The following MYO15A variants were observed in gnomAD, a reference collection of about 807,000 sequenced individuals.
The protein encoded by MYO15A is unconventional myosin-XV.
Under a neutral mutation model 394.6 loss-of-function variants are expected in MYO15A, and 308 were observed. The ratio of observed to expected loss-of-function variants is 0.78; its 90% CI spans 0.71 to 0.86. MYO15A has a LOEUF of 0.86. Among genes scored for constraint, MYO15A ranks in the 40% least tolerant of loss-of-function variants. MYO15A has a pLI of 0.00. For synonymous variants in MYO15A, 1,957 were observed against 2,003.8 expected (o/e 0.98, Z 0.62); for missense variants, 4,606 against 4,799.1 (o/e 0.96, Z 1.19).
intron 16 of MYO15A, 167 bp downstream of exon 16, chr17:18,137,846 T>C: frequency 1.1e-6 from 1 of 942,272 alleles, no homozygotes; most frequent in Non-Finnish European, 1.6e-6. Flanking sequence ...GCCTCTGTTC[T>C]GGAGGGAAAG....
intron 56 of MYO15A, chr17:18,160,692 TG>T (rs2046761595): frequency 5.0e-6 from 1 of 200,884 alleles, no homozygotes; most frequent in Non-Finnish European, 1.0e-5. Flanking sequence ...CAGAGCGGGG[TG>T]GGTGGTTTCC....
At chr17:18,113,456 A>G (rs138086218) in intron 1 of MYO15A, among the ~76,000 whole-genome samples, 119 of 152,322 alleles carry the variant, frequency 7.8e-4, no homozygotes, top group Middle Eastern at 3.4e-3. Flanking sequence ...ATGGAAATAA[A>G]AAAGCAAACA....
At chr17:18,145,469 T>A (rs2046459086) in intron 29 of MYO15A, among the ~76,000 whole-genome samples, 1 of 152,140 alleles carries the variant, frequency 6.6e-6, no homozygotes, top group Non-Finnish European at 1.5e-5. Flanking sequence ...ATCCCAGCAC[T>A]TTGGGAGGCC....
rs1312965648 is a variant in MYO15A at position 18,157,197 on chromosome 17, C to T, written c.8755C>T (p.Leu2919=). 6.2e-7 allele frequency: 1 copy of T among 1,610,162 alleles called. No individual in the cohort carries two copies. The highest frequency in any genetic ancestry group is 2.2e-5 in the East Asian group (1 of 44,690). ...CGTGGTTCGCAGGAAGGTGGTGTAC[C>T]TGGAGGAGCTGCGACGTAGAGGCCC... ...GCVVRRKVVY[L]EELRRRGPDF... Residue 2919 remains leucine (L), a synonymous_variant, in exon 50 of 66, where the codon CTG becomes TTG. Coordinates refer to ENST00000647165, the MANE Select transcript of MYO15A (RefSeq NM_016239.4).
chr17:18,128,842 GAGGA>G (rs1424684021), intron 7 of MYO15A, among the ~76,000 whole-genome samples: 2 of 152,150 alleles, frequency 1.3e-5, no homozygotes, highest in East Asian at 3.9e-4. Context: ...AGCTGTCAGG[GAGGA>G]CGGATGGAGC....
chr17:18,121,244 G>A lies in MYO15A; in HGVS notation c.2444G>A (p.Arg815His), dbSNP rs751697034. The change falls in exon 2 of 66, where the codon CGC (arginine) becomes CAC (histidine). Residue 815 changes from arginine to histidine, a missense_variant. Coordinates refer to ENST00000647165, the MANE Select transcript of MYO15A (RefSeq NM_016239.4). This position sits in a 1 kb window ranked among gnomAD's most constrained non-coding sequence, Gnocchi z 5.3. The part of the protein sequence containing the change: ...PFQPPFLPPA[R>H]RPRSLQESPA... ...CAGCCGCCCTTCCTGCCCCCGGCCC[G>A]CCGGCCCCGCTCGCTGCAGGAGTCC... The A allele has an allele frequency of 1.2e-5, 17 of 1,473,784 alleles. 1 individual carries two copies. The South Asian group carries it at 2.0e-4, about 18-fold the overall frequency. The allele number at this position is 1,473,784 out of a possible 1,614,324, so 91.3% of individuals were successfully genotyped here. A position where few individuals can be genotyped will look rare whatever the true frequency, so the allele number is the denominator to read the frequency against.
rs749625203 is a variant in MYO15A at position 18,148,258 on chromosome 17, G to C, written c.6691+48G>C. ...AGTGAGGGCAGTGGGAGTCAGCAGG[G>C]CCCAGTGAGCCCCGGGGATGGCAGA... On this transcript the variant is annotated intron_variant, in intron 31 of 65. Transcript: ENST00000647165. This position sits in a 1 kb window ranked among gnomAD's most constrained non-coding sequence, Gnocchi z 4.8. 1.2e-6 allele frequency: 2 copies of C among 1,608,300 alleles called. No individual in the cohort carries two copies. The highest frequency in any genetic ancestry group is 2.2e-5 in the South Asian group (2 of 90,480).
chr17:18,145,781 T>C, intron 29 of MYO15A, 91 bp from the exon 30 acceptor site: 1 of 1,075,542 alleles, frequency 9.3e-7, no homozygotes, highest in Non-Finnish European at 1.4e-6. Context: ...GGGGCACACA[T>C]GGGAGGGACA....
chr17:18,165,240 A>G (rs992570460), intron 60 of MYO15A: 6 of 152,182 alleles, frequency 3.9e-5, no homozygotes, highest in African/African-American at 1.2e-4. Flanking sequence ...TATTGTTGCT[A>G]TAACAGATTA....
In MYO15A at chr17:18,121,737, G is replaced by A. The variant is rs769920646; in HGVS notation, c.2937G>A (p.Glu979=). 33 of 1,601,062 alleles carry A rather than the reference G, an allele frequency of 2.1e-5. No individual in the cohort carries two copies. The highest frequency in any genetic ancestry group is 2.8e-5 in the Non-Finnish European group (33 of 1,172,336). Residue 979 remains glutamate, a synonymous_variant, in exon 2 of 66, where the codon GAG becomes GAA. Transcript: ENST00000647165. The surrounding 1 kb of genome is among the most constrained non-coding windows in gnomAD (Gnocchi z 5.3). ...TGCCATCCCCCACCCTCCAGCCTGA[G>A]GATCCAGCTGCTGATATGACCAGGG... ...GPVPSPTLQP[E]DPAADMTRVF...
Position 18,136,404 on chromosome 17 carries a change from T to C in MYO15A, c.4597-13T>C. The C allele has an allele frequency of 1.2e-6, 2 of 1,613,624 alleles. No homozygotes were observed. Among genetic ancestry groups the C allele is most frequent in the Non-Finnish European group, 1.7e-6 (2 of 1,180,028 alleles). ...CCAGCCTGATGTCACTCAAGGGCTGTGCCCGTCCCTAGGAGACAATGCGAG... is the reference window on the plus strand; with the variant it reads ...CCAGCCTGATGTCACTCAAGGGCTGCGCCCGTCCCTAGGAGACAATGCGAG... On this transcript the variant is annotated splice_polypyrimidine_tract_variant and intron_variant, in intron 13 of 65. Transcript: ENST00000647165.
In MYO15A at chr17:18,143,739, G is replaced by A. The variant is rs1488385046; in HGVS notation, c.5989G>A (p.Ala1997Thr). ...QEELSKREVV[A>T]VGHLEVPAEL... Reference sequence around the variant, plus strand: ...GGAGCTGAGCAAGCGGGAGGTAGTCGCTGTGGGGCACCTGGAGGTACCGGC... The same window carrying A: ...GGAGCTGAGCAAGCGGGAGGTAGTCACTGTGGGGCACCTGGAGGTACCGGC... The change falls in exon 27 of 66, where the codon GCT (alanine) becomes ACT (threonine). Residue 1997 changes from alanine to threonine, a missense_variant. By Grantham distance (58) the Ala-to-Thr change is moderately conservative. Transcript: ENST00000647165. 3.8e-6 allele frequency: 6 copies of A among 1,599,388 alleles called. No homozygotes were observed. Among genetic ancestry groups the A allele is most frequent in the Admixed American group, 3.5e-5 (2 of 57,800 alleles).
At position 18,119,807 on chromosome 17, in the gene MYO15A, C is replaced by A; in HGVS notation, c.1007C>A (p.Ala336Glu). The A allele has an allele frequency of 3.1e-6, 5 of 1,613,156 alleles. No individual in the cohort carries two copies. The highest frequency in any genetic ancestry group is 4.2e-6 in the Non-Finnish European group (5 of 1,179,998). Residue 336 changes from alanine (A) to glutamate (E), a missense_variant, in exon 2 of 66, where the codon GCG (alanine) becomes GAG (glutamate). By Grantham distance (107) the Ala-to-Glu change is moderately radical. This residue lies in a region of MYO15A where 1,830 missense variants were observed against 1,689.7 expected (regional missense o/e 1.08). Transcript: ENST00000647165. ...TACCACGATGGGTACGAGGGCGAGG[C>A]GCACCCTTATGGCTACTACCTGGAT... ...YSYHDGYEGE[A>E]HPYGYYLDPY...
chr17:18,137,604 T>C lies in MYO15A; in HGVS notation c.4800T>C (p.Phe1600=). The stretch of plus-strand genomic sequence containing the variant: ...GGCAGGACCTGAGCTTCAACAGCTT[T>C]GAGCAGCTGTGTATTAACTACGCAA... ...YGFEDLSFNS[F]EQLCINYANE... Residue 1600 remains phenylalanine (F), a synonymous_variant, in exon 16 of 66, where the codon TTT becomes TTC. Transcript: ENST00000647165. 1 of 1,614,024 alleles carries C rather than the reference T, an allele frequency of 6.2e-7. No individual in the cohort carries two copies. The highest frequency in any genetic ancestry group is 2.2e-5 in the East Asian group (1 of 44,886).
chr17:18,154,408 C>T (rs936031544), intron 44 of MYO15A, among the ~76,000 whole-genome samples: 1 of 152,226 alleles, frequency 6.6e-6, no homozygotes, highest in African/African-American at 2.4e-5. Flanking sequence ...CTGAGCTAGA[C>T]ATGGCCCAGA....
At chr17:18,159,763 A>C (rs761161358) in intron 55 of MYO15A, 84 bp downstream of exon 55, 12 of 1,533,794 alleles carry the variant, frequency 7.8e-6, no homozygotes, top group Non-Finnish European at 1.8e-6. Flanking sequence ...ACAGGACATT[A>C]GGGTGGGAAA....
rs767127587 is a variant in MYO15A, at chr17:18,120,493, G to A, written c.1693G>A (p.Val565Met). The A allele has an allele frequency of 1.2e-4, 184 of 1,574,692 alleles. No individual in the cohort carries two copies. Among genetic ancestry groups the A allele is most frequent in the Middle Eastern group, 8.8e-4 (5 of 5,686 alleles). ...LGFGPEFGRP[V>M]PRPATSLARF... Reference sequence around the variant, plus strand: ...CTTCGGCCCTGAGTTTGGCCGCCCCGTGCCTCGCCCTGCCACCTCGCTTGC... The same window carrying A: ...CTTCGGCCCTGAGTTTGGCCGCCCCATGCCTCGCCCTGCCACCTCGCTTGC... The change falls in exon 2 of 66, where the codon GTG becomes ATG. Residue 565 changes from valine to methionine, a missense_variant. Coordinates refer to ENST00000647165, the MANE Select transcript of MYO15A (RefSeq NM_016239.4).
chr17:18,136,820 G>A (rs2046287138), intron 15 of MYO15A, 134 bp downstream of exon 15: 3 of 1,283,730 alleles, frequency 2.3e-6, no homozygotes, highest in Non-Finnish European at 3.2e-6. Context: ...ACCCCTCCCT[G>A]TCACCATCTC....
chr17:18,141,913 T>C (rs1375243174), intron 23 of MYO15A, 143 bp downstream of exon 23: 1 of 1,192,430 alleles, frequency 8.4e-7, no homozygotes, highest in Non-Finnish European at 1.2e-6. Context: ...AACTACCTGA[T>C]TCACCAGCAT....
Sources: allele counts gnomAD v4.1 joint callset (sites outside exome capture counted in the v4.1 genomes callset), GRCh38; gene constraint gnomAD v4.1.1; regional missense constraint gnomAD v4.1.1; non-coding constraint Gnocchi (gnomAD v3.1); transcripts MANE v1.5; gene names NCBI Gene and HGNC (gene_info 2026-07-23, HGNC 2026-07-21).